NISCH: variants seen among roughly 807,000 people sequenced by gnomAD.
The protein encoded by NISCH is nischarin.
A neutral mutation model predicts 138.4 loss-of-function variants in NISCH; 55 were observed. The observed-to-expected ratio is 0.40, with a 90% CI of 0.32 to 0.50. The LOEUF (loss-of-function observed/expected upper bound fraction) is 0.50, where lower values mean the gene tolerates loss of function less well. NISCH is among the 20% of genes least tolerant of loss of function. NISCH has a pLI of 0.71. For missense variants in NISCH, 1,643 were observed against 2,005.5 expected, an observed-to-expected ratio of 0.82 and a Z score of 3.45; for synonymous variants, 860 against 861.5, an observed-to-expected ratio of 1.00 and a Z score of 0.03.
intron 17 of NISCH, 34 bp downstream of exon 17, chr3:52,489,712 C>A: frequency 6.3e-7 from 1 of 1,594,342 alleles, no homozygotes. Flanking sequence ...AGCTATGGCA[C>A]GGCCAGTCCT....
Position 52,473,948 on chromosome 3 carries a change from A to G in NISCH, c.765+119A>G, listed in dbSNP as rs1449181023. 4 of 574,776 alleles carry G rather than the reference A, an allele frequency of 7.0e-6. No individual in the cohort carries two copies. In the East Asian group the frequency reaches 9.1e-5, roughly 13 times the overall value. The allele number at this position is 574,776 out of a possible 1,614,324, so 35.6% of individuals were successfully genotyped here. A position where few individuals can be genotyped will look rare whatever the true frequency, so the allele number is the denominator to read the frequency against. ...ATGTCTATCAGTATTCAGAGGCTGGACCTTCTGTGGGGTAGGCAGACACTC... is the reference window on the plus strand; with the variant it reads ...ATGTCTATCAGTATTCAGAGGCTGGGCCTTCTGTGGGGTAGGCAGACACTC... On this transcript the variant is annotated intron_variant, in intron 7 of 20. Coordinates refer to ENST00000345716, the MANE Select transcript of NISCH (RefSeq NM_007184.4).
chr3:52,471,213 A>G, intron 4 of NISCH: 1 of 484,644 alleles, frequency 2.1e-6, no homozygotes, highest in Non-Finnish European at 3.7e-6. Context: ...CCTGGGTCCC[A>G]TCCCTGCCAG....
rs1185742307 is a variant in NISCH, at chr3:52,488,563, A to G, written c.3071A>G (p.Gln1024Arg). 5.6e-6 allele frequency: 9 copies of G among 1,612,546 alleles called. No homozygotes were observed. The highest frequency in any genetic ancestry group is 7.6e-6 in the Non-Finnish European group (9 of 1,179,766). The stretch of plus-strand genomic sequence containing the variant: ...ACCCCCGGGACGGGAGGCAGCCCCC[A>G]GGGCTCCTTTGCGGATGGCCAGCCT... ...AKTPGTGGSP[Q>R]GSFADGQPAE... The change falls in exon 16 of 21, where the codon CAG becomes CGG. Residue 1024 changes from glutamine to arginine, a missense_variant. Coordinates refer to ENST00000345716, the MANE Select transcript of NISCH (RefSeq NM_007184.4).
intron 13 of NISCH, 51 bp from the exon 14 acceptor site, chr3:52,484,462 T>TGGGGGGCC: frequency 1.0e-5 from 8 of 788,668 alleles, no homozygotes; most frequent in Non-Finnish European, 1.5e-5. Flanking sequence ...ACAGCCGCTC[T>TGGGGGGCC]CCCCGCCCCA....
chr3:52,476,911 G>A (rs1006806418), intron 8 of NISCH, among the ~76,000 whole-genome samples: 5 of 152,134 alleles, frequency 3.3e-5, no homozygotes, highest in African/African-American at 1.2e-4. Flanking sequence ...GTGCACACCT[G>A]TAATCCCAGC....
Position 52,490,248 on chromosome 3 carries a change from C to A in NISCH, c.3613+17C>A. On this transcript the variant is annotated intron_variant, in intron 18 of 20. Coordinates refer to ENST00000345716, the MANE Select transcript of NISCH (RefSeq NM_007184.4). ...CACTGCAGGGTAGGCACAGGGCCTG[C>A]TGGGGCTCAGGAGCTTGGAGTGTGT... 2 of 1,610,280 alleles carry A rather than the reference C, an allele frequency of 1.2e-6. No individual in the cohort carries two copies. The highest frequency in any genetic ancestry group is 3.3e-5 in the Admixed American group (2 of 60,012).
Position 52,460,618 on chromosome 3 carries a change from GGCCTCA to G in NISCH, c.360+1775_360+1780del, listed in dbSNP as rs552457398. Among the ~76,000 whole-genome samples the G allele has an allele frequency of 5.5e-4, 84 of 152,060 alleles. No homozygotes were observed. In the Middle Eastern group the frequency reaches 0.01, roughly 18 times the overall value. On this transcript the variant is annotated intron_variant, in intron 3 of 20. Coordinates refer to ENST00000345716, the MANE Select transcript of NISCH (RefSeq NM_007184.4). Reference sequence around the variant, plus strand: ...GGGGTCTTGCAGTATTGCTCAGGTTGGCCTCAAACTCGAACTCAAGCCATCCTCCCA... The same window carrying G: ...GGGGTCTTGCAGTATTGCTCAGGTTGAACTCGAACTCAAGCCATCCTCCCA...
At chr3:52,485,051 C>T (rs955649218) in intron 14 of NISCH, among the ~76,000 whole-genome samples, 12 of 152,264 alleles carry the variant, frequency 7.9e-5, no homozygotes, top group South Asian at 4.1e-4. Flanking sequence ...TGGAGCCACT[C>T]GGCGCCTTTC....
intron 3 of NISCH, among the ~76,000 whole-genome samples, chr3:52,467,101 A>G (rs1340473754): frequency 3.3e-5 from 5 of 151,024 alleles, no homozygotes; most frequent in Admixed American, 2.6e-4. Flanking sequence ...CCTGGGTTCA[A>G]GTGATTCTCC....
At chr3:52,484,761 T>A in intron 14 of NISCH, 124 bp downstream of exon 14, 2 of 1,062,146 alleles carry the variant, frequency 1.9e-6, no homozygotes, top group Non-Finnish European at 2.8e-6. Context: ...TTTGGCGTCC[T>A]CTGCTTTGTG....
chr3:52,471,241 G>A (rs534343562), intron 4 of NISCH: 1 of 399,302 alleles, frequency 2.5e-6, no homozygotes, highest in African/African-American at 2.0e-5. Context: ...AGTTATAGTA[G>A]CTCATGTGTG....
chr3:52,491,440 C>A lies in NISCH; in HGVS notation c.3831C>A (p.Ser1277=). The A allele has an allele frequency of 6.2e-7, 1 of 1,613,488 alleles. No homozygotes were observed. Among genetic ancestry groups the A allele is most frequent in the Non-Finnish European group, 8.5e-7 (1 of 1,179,996 alleles). The change falls in exon 20 of 21, where the codon TCC becomes TCA. Residue 1277 remains serine, a synonymous_variant. Transcript: ENST00000345716. ...TCCAGCACCTCATGGTCGTGCTGTC[C>A]TCTCTGGAACGCACGCCCTCGCCGG... ...CFLQHLMVVL[S]SLERTPSPEP...
chr3:52,485,209 G>C (rs981834215), intron 14 of NISCH, among the ~76,000 whole-genome samples: 2 of 152,136 alleles, frequency 1.3e-5, no homozygotes, highest in African/African-American at 4.8e-5. Flanking sequence ...AAATGTGCTT[G>C]GTGCCTGGGC....
chr3:52,458,058 A>G (rs546590220), intron 2 of NISCH, 132 bp downstream of exon 2: 2 of 642,336 alleles, frequency 3.1e-6, no homozygotes, highest in African/African-American at 3.6e-5. Flanking sequence ...CCACTTTGTT[A>G]ATATAACTGC....
intron 3 of NISCH, among the ~76,000 whole-genome samples, chr3:52,459,192 T>A (rs1479781486): frequency 6.6e-6 from 1 of 152,132 alleles, no homozygotes; most frequent in African/African-American, 2.4e-5. Flanking sequence ...GAGTTGTTGG[T>A]GCATAGCCCA....
intron 3 of NISCH, among the ~76,000 whole-genome samples, chr3:52,461,100 CGTGGTGACTCATGCCT>C (rs964760528): frequency 2.0e-5 from 3 of 152,118 alleles, no homozygotes; most frequent in African/African-American, 4.8e-5. Context: ...ATTAGCTGCG[CGTGGTGACTCATGCCT>C]GTAGTCCCAG....
Position 52,487,014 on chromosome 3 carries a change from A to G in NISCH, c.1704-182A>G, listed in dbSNP as rs554636020. Among the ~76,000 whole-genome samples, 55 of 152,362 alleles carry G rather than the reference A, an allele frequency of 3.6e-4. 1 individual carries two copies. The highest frequency in any genetic ancestry group is 2.2e-3 in the Admixed American group (34 of 15,306). Reference sequence around the variant, plus strand: ...CAAACTGGCGACCCAGCCTTCCAGCAGGCAGCACTGGCTCCCACCAGGGCC... The same window carrying G: ...CAAACTGGCGACCCAGCCTTCCAGCGGGCAGCACTGGCTCCCACCAGGGCC... On this transcript the variant is annotated intron_variant, in intron 15 of 20. Transcript: ENST00000345716. This position sits in a 1 kb window ranked among gnomAD's most constrained non-coding sequence, Gnocchi z 9.1.
intron 3 of NISCH, among the ~76,000 whole-genome samples, chr3:52,463,714 CTTTT>C (rs71084184): frequency 2.4e-5 from 1 of 41,402 alleles, no homozygotes; most frequent in Middle Eastern, 0.024. Context: ...TATTGAACCT[CTTTT>C]TTTTTTTTTT....
Position 52,455,604 on chromosome 3 carries a change from A to T in NISCH, c.-38A>T, listed in dbSNP as rs1706436973. The stretch of plus-strand genomic sequence containing the variant: ...GTTGACCCCGCCCCCTGCTGCTGCT[A>T]GTCTGCGCCGGGCGGCGGTGGCGGC... On this transcript the variant is annotated 5_prime_UTR_variant, in exon 1 of 21. Transcript: ENST00000345716. 7 of 1,261,762 alleles carry T rather than the reference A, an allele frequency of 5.5e-6. No homozygotes were observed. Among genetic ancestry groups the T allele is most frequent in the African/African-American group, 3.1e-5 (2 of 65,356 alleles). 78.2% of individuals were successfully genotyped at this position (1,261,762 alleles called of 1,614,324 possible).
Sources: gnomAD v4.1 joint callset for allele counts (sites outside exome capture counted in the v4.1 genomes callset) on GRCh38, gnomAD v4.1.1 for gene constraint, Gnocchi (gnomAD v3.1) non-coding constraint, MANE v1.5 for transcripts, NCBI Gene and HGNC (gene_info 2026-07-23, HGNC 2026-07-21) for gene names.